Variants in GALNT18 observed in about 807,000 individuals in gnomAD.
GALNT18 encodes polypeptide N-acetylgalactosaminyltransferase 18.
A neutral mutation model predicts 69.5 loss-of-function variants in GALNT18; 44 were observed. That is an observed-to-expected ratio of 0.63 (90% CI 0.50 to 0.81). The LOEUF is 0.81. Among genes scored for constraint, GALNT18 ranks in the 40% least tolerant of loss-of-function variants. The pLI, the probability that GALNT18 is intolerant of heterozygous loss-of-function variation, is 0.00. For synonymous variants in GALNT18, 364 were observed against 318.2 expected (o/e 1.14, Z -1.53); for missense variants, 715 against 810.0 (o/e 0.88, Z 1.42).
intron 2 of GALNT18, among the ~76,000 whole-genome samples, chr11:11,441,785 T>A (rs1564951140): frequency 2.0e-5 from 3 of 152,150 alleles, no homozygotes. Flanking sequence ...GCCATCTCCC[T>A]CCTCCTCCAG....
intron 6 of GALNT18, among the ~76,000 whole-genome samples, chr11:11,370,415 G>A (rs1021406473): frequency 6.6e-6 from 1 of 152,112 alleles, no homozygotes; most frequent in Non-Finnish European, 1.5e-5. Flanking sequence ...TTTTGCTGAC[G>A]ATCAGTGGTT....
At position 11,377,056 on chromosome 11, in the gene GALNT18, T is replaced by A; in HGVS notation, c.977+126A>T. ...GACTGAAGATCAGACTGCAGTTCCT[T>A]TCGACCCTGCCCACCCCTGTCATCC... On this transcript the variant is annotated intron_variant, in intron 5 of 10. Coordinates refer to ENST00000227756, the MANE Select transcript of GALNT18 (RefSeq NM_198516.3). The surrounding 1 kb of genome is among the most constrained non-coding windows in gnomAD (Gnocchi z 4.6). The A allele has an allele frequency of 1.2e-6, 1 of 811,024 alleles. No homozygotes were observed. 50.2% of individuals were successfully genotyped at this position (811,024 alleles called of 1,614,324 possible). A position where few individuals can be genotyped will look rare whatever the true frequency, so the allele number is the denominator to read the frequency against.
intron 1 of GALNT18, among the ~76,000 whole-genome samples, chr11:11,580,683 A>T (rs1859056792): frequency 6.6e-6 from 1 of 152,262 alleles, no homozygotes. Flanking sequence ...CCATATGGCC[A>T]TGCCAGCATG....
chr11:11,531,111 T>C (rs1376105756), intron 1 of GALNT18, among the ~76,000 whole-genome samples: 1 of 152,112 alleles, frequency 6.6e-6, no homozygotes, highest in Non-Finnish European at 1.5e-5. Flanking sequence ...TGTGCTGCTG[T>C]AGTAGAAAGA....
intron 9 of GALNT18, among the ~76,000 whole-genome samples, chr11:11,304,439 A>T (rs1849544942): frequency 6.6e-6 from 1 of 152,148 alleles, no homozygotes; most frequent in Admixed American, 6.6e-5. Flanking sequence ...CCTATTTTGG[A>T]AGGTAATGCT....
At chr11:11,594,973 AT>A (rs1324895192) in intron 1 of GALNT18, among the ~76,000 whole-genome samples, 1 of 131,588 alleles carries the variant, frequency 7.6e-6, no homozygotes, top group Non-Finnish European at 1.7e-5. Flanking sequence ...TATACACAAA[AT>A]ATACATATGT....
At chr11:11,579,306 A>G (rs1282573289) in intron 1 of GALNT18, among the ~76,000 whole-genome samples, 2 of 151,830 alleles carry the variant, frequency 1.3e-5, no homozygotes, top group Non-Finnish European at 2.9e-5. Context: ...CTGTCACCAT[A>G]CTCTAGGTTT....
At position 11,367,910 on chromosome 11, in the gene GALNT18, G is replaced by C. The variant is rs561865137; in HGVS notation, c.1092+4605C>G. On this transcript the variant is annotated intron_variant, in intron 6 of 10. Coordinates refer to ENST00000227756, the MANE Select transcript of GALNT18 (RefSeq NM_198516.3). ...AGGCCTTTTTTTATGACTTGGGACT[G>C]TTACTAAGATCATTAACAACTGTGC... Among the ~76,000 whole-genome samples, 7 of 152,244 alleles carry C rather than the reference G, an allele frequency of 4.6e-5. No homozygotes were observed. In the East Asian group the frequency reaches 9.7e-4, roughly 21 times the overall value.
intron 1 of GALNT18, among the ~76,000 whole-genome samples, chr11:11,610,876 A>G (rs1012141357): frequency 4.6e-5 from 7 of 152,194 alleles, no homozygotes; most frequent in African/African-American, 1.4e-4. Flanking sequence ...CTCTCCCATC[A>G]GGGAAATATG....
chr11:11,271,246 C>A lies in GALNT18; in HGVS notation c.1722G>T (p.Leu574=). 6.2e-7 allele frequency: 1 copy of A among 1,614,144 alleles called. No individual in the cohort carries two copies. The highest frequency in any genetic ancestry group is 8.5e-7 in the Non-Finnish European group (1 of 1,180,014). The change falls in exon 11 of 11, where the codon CTG becomes CTT. Residue 574 remains leucine, a synonymous_variant. Transcript: ENST00000227756. The part of the protein sequence containing the change: ...QNRKSKRCLE[L]QENSDLEFGF... ...CGAACTCCAGGTCGCTATTCTCCTG[C>A]AGCTCCAGACAGCGCTTAGACTTGC...
intron 1 of GALNT18, among the ~76,000 whole-genome samples, chr11:11,571,584 A>G (rs1243623193): frequency 2.6e-5 from 4 of 152,148 alleles, no homozygotes; most frequent in African/African-American, 4.8e-5. Flanking sequence ...GTGCAGATCA[A>G]CCGCATGTCC....
intron 3 of GALNT18, among the ~76,000 whole-genome samples, chr11:11,431,745 T>G (rs1855269228): frequency 6.6e-6 from 1 of 152,220 alleles, no homozygotes; most frequent in South Asian, 2.1e-4. Context: ...ACTAGGAAAT[T>G]TATTACCTGA....
chr11:11,454,893 C>T lies in GALNT18; in HGVS notation c.236-5957G>A, dbSNP rs984262787. ...CCTCCAGAGGACACTAATCACTCCA[C>T]CCTTGAAGAGAAAGGTACAGTTGAT... On this transcript the variant is annotated intron_variant, in intron 1 of 10. Coordinates refer to ENST00000227756, the MANE Select transcript of GALNT18 (RefSeq NM_198516.3). The surrounding 1 kb of genome is among the most constrained non-coding windows in gnomAD (Gnocchi z 4.2). 6.6e-6 allele frequency among the ~76,000 whole-genome samples: 1 copy of T among 152,198 alleles called. No individual in the cohort carries two copies. Among genetic ancestry groups the T allele is most frequent in the African/African-American group, 2.4e-5 (1 of 41,458 alleles).
rs1247620189 is a variant in GALNT18, at chr11:11,617,653, T to G, written c.235+3706A>C. On this transcript the variant is annotated intron_variant, in intron 1 of 10. Transcript: ENST00000227756. This position sits in a 1 kb window ranked among gnomAD's most constrained non-coding sequence, Gnocchi z 4.7. ...ATGAATTATGGGCAATTTTATGCATTTTTAAATATTTTCTTAAACATTGGC... is the reference window on the plus strand; with the variant it reads ...ATGAATTATGGGCAATTTTATGCATGTTTAAATATTTTCTTAAACATTGGC... Among the ~76,000 whole-genome samples, 1 of 152,236 alleles carries G rather than the reference T, an allele frequency of 6.6e-6. No individual in the cohort carries two copies. The highest frequency in any genetic ancestry group is 6.5e-5 in the Admixed American group (1 of 15,280).
chr11:11,280,932 G>A (rs1300262278), intron 10 of GALNT18, among the ~76,000 whole-genome samples: 1 of 152,140 alleles, frequency 6.6e-6, no homozygotes, highest in African/African-American at 2.4e-5. Context: ...TCCAAACAAG[G>A]CCAGACCATT....
intron 9 of GALNT18, among the ~76,000 whole-genome samples, 171 bp downstream of exon 9, chr11:11,326,915 C>T (rs1427374860): frequency 1.3e-5 from 2 of 152,226 alleles, no homozygotes; most frequent in Admixed American, 1.3e-4. Flanking sequence ...TGTGACCCAT[C>T]CTCTTCAGCT....
chr11:11,414,115 T>A (rs574476367), intron 3 of GALNT18, among the ~76,000 whole-genome samples: 1 of 152,258 alleles, frequency 6.6e-6, no homozygotes, highest in East Asian at 1.9e-4. Context: ...GTACCCACTT[T>A]TCTCTCCCTA....
At chr11:11,393,758 G>A (rs1254692269) in intron 3 of GALNT18, among the ~76,000 whole-genome samples, 1 of 152,224 alleles carries the variant, frequency 6.6e-6, no homozygotes, top group Admixed American at 6.5e-5. Context: ...TCTTCTCACT[G>A]CGCCTTTCAG....
chr11:11,332,645 T>C lies in GALNT18; in HGVS notation c.1416+49A>G. 1 of 1,598,242 alleles carries C rather than the reference T, an allele frequency of 6.3e-7. No homozygotes were observed. The highest frequency in any genetic ancestry group is 8.6e-7 in the Non-Finnish European group (1 of 1,166,210). ...CCTCCTCTCCCTTTCTTCACTATGT[T>C]TCTTTCTGTCTGTGTCTGAATGAAA... On this transcript the variant is annotated intron_variant, in intron 8 of 10. Coordinates refer to ENST00000227756, the MANE Select transcript of GALNT18 (RefSeq NM_198516.3). The surrounding 1 kb of genome is among the most constrained non-coding windows in gnomAD (Gnocchi z 4.3).
Sources: gnomAD v4.1 joint callset for allele counts (sites outside exome capture counted in the v4.1 genomes callset) on GRCh38, gnomAD v4.1.1 for gene constraint, Gnocchi (gnomAD v3.1) non-coding constraint, MANE v1.5 for transcripts, NCBI Gene and HGNC (gene_info 2026-07-23, HGNC 2026-07-21) for gene names.